Variants in MRNIP observed in about 807,000 individuals in gnomAD.
The protein encoded by MRNIP is MRN complex interacting protein, also known as MRN complex-interacting protein.
Under a neutral mutation model 29.8 loss-of-function variants are expected in MRNIP, and 30 were observed. That is an observed-to-expected ratio of 1.01 (90% CI 0.75 to 1.36). The LOEUF is 1.36. MRNIP is among the 40% of genes most tolerant of loss of function. MRNIP has a pLI of 0.00. For missense variants in MRNIP, 459 were observed against 423.5 expected, an observed-to-expected ratio of 1.08 and a Z score of -0.74; for synonymous variants, 201 against 164.1, an observed-to-expected ratio of 1.23 and a Z score of -1.72.
intron 3 of MRNIP, 26 bp downstream of exon 3, chr5:179,847,952 A>G: frequency 6.6e-7 from 1 of 1,514,046 alleles, no homozygotes; most frequent in Non-Finnish European, 9.1e-7. Flanking sequence ...GGGCAAGACA[A>G]CCACGCTCTT....
At chr5:179,858,608 G>C in intron 1 of MRNIP, 123 bp downstream of exon 1, 1 of 626,238 alleles carries the variant, frequency 1.6e-6, no homozygotes, top group East Asian at 3.0e-5. Context: ...GCCCTCAGCG[G>C]TCCCTGCACT....
At chr5:179,844,507 A>T (rs1040079978) in intron 3 of MRNIP, among the ~76,000 whole-genome samples, 1 of 151,980 alleles carries the variant, frequency 6.6e-6, no homozygotes, top group African/African-American at 2.4e-5. Flanking sequence ...TGCAGCTTCA[A>T]CCTCCCTGGG....
chr5:179,843,075 G>C (rs773935975), intron 4 of MRNIP, among the ~76,000 whole-genome samples: 16 of 129,814 alleles, frequency 1.2e-4, no homozygotes, highest in Non-Finnish European at 1.7e-4. Context: ...GGGAGGGAGG[G>C]AGGGAGGCAG....
chr5:179,851,256 C>G (rs1411799342), intron 2 of MRNIP: 1 of 455,894 alleles, frequency 2.2e-6, no homozygotes, highest in Non-Finnish European at 4.4e-6. Context: ...GTAAGCCAGC[C>G]CCTCTCTTCT....
At chr5:179,856,331 C>A (rs1014361562) in intron 1 of MRNIP, among the ~76,000 whole-genome samples, 1 of 152,146 alleles carries the variant, frequency 6.6e-6, no homozygotes, top group South Asian at 2.1e-4. Context: ...CCGTGTATTT[C>A]GGAATTCTCA....
intron 5 of MRNIP, 55 bp downstream of exon 5, chr5:179,841,852 T>C: frequency 1.3e-6 from 2 of 1,576,632 alleles, no homozygotes; most frequent in Non-Finnish European, 1.7e-6. Context: ...GGTGCCCCAC[T>C]GCTGGAGGCA....
chr5:179,837,356 A>G lies in MRNIP; in HGVS notation c.*35T>C. 6.3e-7 allele frequency: 1 copy of G among 1,581,818 alleles called. No individual in the cohort carries two copies. Among genetic ancestry groups the G allele is most frequent in the African/African-American group, 1.4e-5 (1 of 74,030 alleles). ...TTAGGGGAACCCTGTCCCTCCTAAC[A>G]AGTGTATCTCGATTAATAACCTGCC... On this transcript the variant is annotated 3_prime_UTR_variant, in exon 7 of 7. Transcript: ENST00000292586.
intron 6 of MRNIP, 133 bp downstream of exon 6, chr5:179,840,739 C>A: frequency 8.3e-6 from 6 of 721,912 alleles, no homozygotes; most frequent in South Asian, 5.0e-5. Flanking sequence ...ACAGAAAAGA[C>A]AAGAAACCCG....
At chr5:179,848,311 T>C (rs1759213444) in intron 2 of MRNIP, among the ~76,000 whole-genome samples, 1 of 152,144 alleles carries the variant, frequency 6.6e-6, no homozygotes, top group African/African-American at 2.4e-5. Flanking sequence ...CTCTACCTAC[T>C]GAAGCCAAAC....
chr5:179,846,144 T>C (rs1452550993), intron 3 of MRNIP: 1 of 152,200 alleles, frequency 6.6e-6, no homozygotes, highest in Non-Finnish European at 1.5e-5. Flanking sequence ...ACATGCAATA[T>C]CATGTATTCT....
At chr5:179,853,297 C>T (rs1759447200) in intron 2 of MRNIP, 81 bp downstream of exon 2, 1 of 1,605,578 alleles carries the variant, frequency 6.2e-7, no homozygotes, top group African/African-American at 1.3e-5. Context: ...GAGGATGATC[C>T]CAGCTGTGGC....
At chr5:179,838,254 A>G in intron 6 of MRNIP, 1 of 268,784 alleles carries the variant, frequency 3.7e-6, no homozygotes, top group Non-Finnish European at 7.2e-6. Context: ...GCTACCTCCC[A>G]CCGGGGGGCA....
intron 5 of MRNIP, 197 bp from the exon 6 acceptor site, chr5:179,841,156 G>C: frequency 1.7e-6 from 1 of 573,356 alleles, no homozygotes; most frequent in African/African-American, 1.9e-5. Context: ...AGAAAGTTTT[G>C]TTTTTATTTC....
At chr5:179,857,138 T>G (rs1490509172) in intron 1 of MRNIP, among the ~76,000 whole-genome samples, 2 of 149,484 alleles carry the variant, frequency 1.3e-5, no homozygotes, top group Non-Finnish European at 3.0e-5. Context: ...CATGGAAGAG[T>G]GAAACAGGAA....
intron 2 of MRNIP, among the ~76,000 whole-genome samples, chr5:179,849,074 T>C (rs1018994470): frequency 2.7e-3 from 404 of 147,602 alleles, no homozygotes; most frequent in Non-Finnish European, 4.1e-3. Context: ...GTACGGGTCC[T>C]GCTATGGCAC....
chr5:179,848,477 A>G (rs144499529), intron 2 of MRNIP, among the ~76,000 whole-genome samples: 1 of 152,256 alleles, frequency 6.6e-6, no homozygotes, highest in East Asian at 1.9e-4. Context: ...AATAAAATAC[A>G]TTTTTTCCCA....
At chr5:179,844,507 A>G (rs1040079978) in intron 3 of MRNIP, among the ~76,000 whole-genome samples, 8 of 151,980 alleles carry the variant, frequency 5.3e-5, no homozygotes, top group African/African-American at 9.7e-5. Flanking sequence ...TGCAGCTTCA[A>G]CCTCCCTGGG....
chr5:179,844,120 G>A (rs960336028), intron 4 of MRNIP, 32 bp downstream of exon 4: 2 of 1,593,514 alleles, frequency 1.3e-6, no homozygotes, highest in Admixed American at 3.3e-5. Context: ...CTGACACAGA[G>A]CCAGCCTGGG....
Position 179,841,895 on chromosome 5 carries a change from C to T in MRNIP, c.449+12G>A, listed in dbSNP as rs759154997. On this transcript the variant is annotated intron_variant, in intron 5 of 6. Transcript: ENST00000292586. Reference sequence around the variant, plus strand: ...CCCTGGGCCAGGGCTGGAACGGAGACGCACTTGGTACCTTTTTCTAGGCAG... The same window carrying T: ...CCCTGGGCCAGGGCTGGAACGGAGATGCACTTGGTACCTTTTTCTAGGCAG... 65 of 1,612,518 alleles carry T rather than the reference C, an allele frequency of 4.0e-5. No individual in the cohort carries two copies. The highest frequency in any genetic ancestry group is 2.2e-4 in the Admixed American group (13 of 59,908).
Sources: gnomAD v4.1 joint callset for allele counts (sites outside exome capture counted in the v4.1 genomes callset) on GRCh38, gnomAD v4.1.1 for gene constraint, MANE v1.5 for transcripts, NCBI Gene and HGNC (gene_info 2026-07-23, HGNC 2026-07-21) for gene names.